The following MOSMO variants were observed in gnomAD, a reference collection of about 807,000 sequenced individuals.
MOSMO encodes the protein modulator of smoothened protein.
Under a neutral mutation model 18.4 loss-of-function variants are expected in MOSMO, and 5 were observed. That is an observed-to-expected ratio of 0.27 (90% CI 0.14 to 0.57). The LOEUF (loss-of-function observed/expected upper bound fraction) is 0.57, where lower values mean the gene tolerates loss of function less well. Among genes scored for constraint, MOSMO ranks in the 20% least tolerant of loss-of-function variants. The pLI is 0.92. For missense variants in MOSMO, 138 were observed against 211.8 expected, an observed-to-expected ratio of 0.65 and a Z score of 2.16; for synonymous variants, 82 against 82.3, an observed-to-expected ratio of 1.00 and a Z score of 0.02.
chr16:22,040,050 A>G (rs993573879), intron 1 of MOSMO, among the ~76,000 whole-genome samples: 1 of 152,244 alleles, frequency 6.6e-6, no homozygotes, highest in African/African-American at 2.4e-5. Context: ...GAAATATAGT[A>G]GGAACTGGAA....
Position 22,080,878 on chromosome 16 carries a change from T to C in MOSMO, c.502T>C (p.Ter168ArgextTer1). ...LFAGKVCLPG[*>R] ...TGCTGGCAAAGTTTGTTTACCAGGC[T>C]GATGAATGTCTAAATTGCTTGACTC... The change falls in exon 3 of 3, where the codon TGA becomes CGA. Residue 168 changes from the stop codon to arginine, a stop_lost. Coordinates refer to ENST00000542527, the MANE Select transcript of MOSMO (RefSeq NM_001164579.2). 7.4e-7 allele frequency: 1 copy of C among 1,353,538 alleles called. No homozygotes were observed. The highest frequency in any genetic ancestry group is 9.6e-7 in the Non-Finnish European group (1 of 1,043,248). The allele number at this position is 1,353,538 out of a possible 1,614,324, so 83.8% of individuals were successfully genotyped here. A position where few individuals can be genotyped will look rare whatever the true frequency, so the allele number is the denominator to read the frequency against.
chr16:22,035,293 G>A (rs1403223071), intron 1 of MOSMO, among the ~76,000 whole-genome samples: 3 of 152,076 alleles, frequency 2.0e-5, no homozygotes, highest in Non-Finnish European at 2.9e-5. Context: ...GTTCAGCTCC[G>A]GTGAAATAGT....
At chr16:22,040,412 T>C (rs1190516830) in intron 1 of MOSMO, among the ~76,000 whole-genome samples, 1 of 152,166 alleles carries the variant, frequency 6.6e-6, no homozygotes, top group Non-Finnish European at 1.5e-5. Context: ...AACTTAAAAG[T>C]ATTTTAAAAA....
intron 1 of MOSMO, among the ~76,000 whole-genome samples, chr16:22,015,817 A>T (rs929215321): frequency 5.8e-4 from 89 of 152,192 alleles, no homozygotes; most frequent in African/African-American, 2.1e-3. Context: ...TAAGACTATA[A>T]ATAAGCCTAA....
intron 1 of MOSMO, among the ~76,000 whole-genome samples, chr16:22,036,149 CAG>C (rs1489449713): frequency 5.3e-5 from 8 of 152,110 alleles, no homozygotes; most frequent in African/African-American, 1.9e-4. Context: ...TTTTTTGAGA[CAG>C]AGTCTCGCTC....
At chr16:22,088,220 G>A (rs1901224753), downstream of MOSMO, among the ~76,000 whole-genome samples, 1 of 152,094 alleles carries the variant, frequency 6.6e-6, no homozygotes, top group Non-Finnish European at 1.5e-5. Flanking sequence ...TTATAGAGAT[G>A]GGGGTCTCAG....
intron 1 of MOSMO, among the ~76,000 whole-genome samples, chr16:22,017,865 A>G (rs1029556075): frequency 2.6e-5 from 4 of 152,192 alleles, no homozygotes; most frequent in South Asian, 4.1e-4. Flanking sequence ...TTTGGGGTTT[A>G]TTGCTTTAGA....
intron 1 of MOSMO, among the ~76,000 whole-genome samples, chr16:22,015,352 C>G (rs1417263380): frequency 6.6e-6 from 1 of 152,038 alleles, no homozygotes; most frequent in Non-Finnish European, 1.5e-5. Flanking sequence ...GTAGCTGGGA[C>G]TATAGATGCA....
chr16:22,036,582 G>T (rs548910357), intron 1 of MOSMO, among the ~76,000 whole-genome samples: 34 of 152,204 alleles, frequency 2.2e-4, no homozygotes, highest in African/African-American at 8.2e-4. Context: ...CGAGTAGCTC[G>T]GACTACAGGT....
At chr16:22,016,117 G>A (rs1899630919) in intron 1 of MOSMO, among the ~76,000 whole-genome samples, 1 of 152,144 alleles carries the variant, frequency 6.6e-6, no homozygotes, top group Non-Finnish European at 1.5e-5. Flanking sequence ...TTGTATTGGA[G>A]TTGCAGTATA....
downstream of MOSMO, chr16:22,085,036 G>A (rs1029676013): frequency 6.6e-6 from 1 of 152,124 alleles, no homozygotes; most frequent in African/African-American, 2.4e-5. Context: ...CTTTGCTTCA[G>A]TCTTCTGTTT....
At chr16:22,034,398 T>C (rs1598005455) in intron 1 of MOSMO, among the ~76,000 whole-genome samples, 1 of 152,344 alleles carries the variant, frequency 6.6e-6, no homozygotes, top group East Asian at 1.9e-4. Flanking sequence ...AGACAAACTT[T>C]CTGGTGAAGA....
At chr16:22,075,769 T>TC in intron 2 of MOSMO, 70 bp downstream of exon 2, 1 of 1,162,356 alleles carries the variant, frequency 8.6e-7, no homozygotes, top group Non-Finnish European at 1.2e-6. Context: ...ATGAAGATAA[T>TC]CAAGAATCAG....
At chr16:22,028,456 T>C (rs185307559) in intron 1 of MOSMO, among the ~76,000 whole-genome samples, 9 of 152,086 alleles carry the variant, frequency 5.9e-5, no homozygotes, top group Non-Finnish European at 8.8e-5. Flanking sequence ...GCATTAAGTT[T>C]ATTCACATTG....
chr16:22,025,480 G>C (rs1328214926), intron 1 of MOSMO, among the ~76,000 whole-genome samples: 1 of 152,078 alleles, frequency 6.6e-6, no homozygotes, highest in Non-Finnish European at 1.5e-5. Flanking sequence ...TACCTCATAT[G>C]AATAGTACCA....
At chr16:22,029,025 C>T (rs1899939635) in intron 1 of MOSMO, among the ~76,000 whole-genome samples, 1 of 152,150 alleles carries the variant, frequency 6.6e-6, no homozygotes, top group African/African-American at 2.4e-5. Flanking sequence ...GCACCTGCCA[C>T]CATGCCCGGC....
intron 1 of MOSMO, among the ~76,000 whole-genome samples, chr16:22,056,371 T>C (rs1175193619): frequency 3.1e-5 from 4 of 130,542 alleles, no homozygotes; most frequent in African/African-American, 1.2e-4. Flanking sequence ...CTTTCTTTTT[T>C]TTTTTTTTTT....
intron 1 of MOSMO, among the ~76,000 whole-genome samples, chr16:22,045,346 C>T (rs1900287003): frequency 6.6e-6 from 1 of 151,998 alleles, no homozygotes; most frequent in African/African-American, 2.4e-5. Flanking sequence ...TGTGACTTTA[C>T]AGGAGTGGGA....
intron 1 of MOSMO, among the ~76,000 whole-genome samples, chr16:22,024,574 C>G (rs2141988916): frequency 6.6e-6 from 1 of 152,070 alleles, no homozygotes; most frequent in South Asian, 2.1e-4. Context: ...ACCATGTTGG[C>G]CAGGATGGTC....
Sources: gnomAD v4.1 joint callset for allele counts (sites outside exome capture counted in the v4.1 genomes callset) on GRCh38, gnomAD v4.1.1 for gene constraint, MANE v1.5 for transcripts, NCBI Gene and HGNC (gene_info 2026-07-23, HGNC 2026-07-21) for gene names.